Variants in ATP1A3 observed in about 807,000 individuals in gnomAD.
ATP1A3 encodes sodium/potassium-transporting ATPase subunit alpha-3.
Under a neutral mutation model 108.8 loss-of-function variants are expected in ATP1A3, and 12 were observed. That is an observed-to-expected ratio of 0.11 (90% CI 0.07 to 0.18). The LOEUF is 0.18. Ranked by LOEUF, ATP1A3 falls within the 10% of genes least tolerant of loss-of-function variation. The probability of loss-of-function intolerance (pLI) is 1.00; values close to 1 mark genes in which losing one functional copy is unlikely to be tolerated. For synonymous variants in ATP1A3, 539 were observed against 564.5 expected (o/e 0.95, Z 0.64); for missense variants, 498 against 1,387.7 (o/e 0.36, Z 10.19).
intron 4 of ATP1A3, 56 bp downstream of exon 4, chr19:41,987,880 C>T (rs1439390117): frequency 6.9e-6 from 11 of 1,588,944 alleles, no homozygotes; most frequent in East Asian, 2.2e-5. Flanking sequence ...AGTTGGGGTG[C>T]GGTGTCCGTA....
chr19:41,967,377 C>T lies in ATP1A3; in HGVS notation c.2922-37G>A. The T allele has an allele frequency of 6.3e-7, 1 of 1,592,200 alleles. No homozygotes were observed. Among genetic ancestry groups the T allele is most frequent in the East Asian group, 2.2e-5 (1 of 44,734 alleles). On this transcript the variant is annotated intron_variant, in intron 21 of 22. Transcript: ENST00000648268. The surrounding 1 kb of genome is among the most constrained non-coding windows in gnomAD (Gnocchi z 4.2). ...AGAGCAGGAGGGCTTGAGTGCGGGG[C>T]CCTAACGAGAGGCAGAGTTTCAGGG...
chr19:41,987,351 A>T (rs1410856793), intron 4 of ATP1A3, among the ~76,000 whole-genome samples: 3 of 151,230 alleles, frequency 2.0e-5, no homozygotes, highest in Non-Finnish European at 4.4e-5. Flanking sequence ...TGTGTGTGTG[A>T]GTTTCTCTGT....
chr19:41,992,153 G>A (rs1042722087), intron 1 of ATP1A3, among the ~76,000 whole-genome samples: 3 of 151,872 alleles, frequency 2.0e-5, no homozygotes, highest in African/African-American at 7.3e-5. Context: ...GAGGGAGGAG[G>A]GGCTGGGGCC....
At chr19:41,983,766 ATTTTTTTTTTTTTTTT>A in intron 8 of ATP1A3, among the ~76,000 whole-genome samples, 1 of 101,250 alleles carries the variant, frequency 9.9e-6, no homozygotes, top group East Asian at 2.7e-4. Flanking sequence ...ATTTAAAAAA[ATTTTTTTTTTTTTTTT>A]TTTTTTTTTG....
chr19:41,991,139 C>A (rs1035987850), intron 1 of ATP1A3, among the ~76,000 whole-genome samples: 11 of 152,064 alleles, frequency 7.2e-5, no homozygotes, highest in Admixed American at 6.6e-4. Flanking sequence ...AGGGGTGGGG[C>A]GAGGCTGGGT....
intron 16 of ATP1A3, 131 bp from the exon 17 acceptor site, chr19:41,970,673 C>T (rs1271043213): frequency 6.9e-6 from 8 of 1,157,660 alleles, no homozygotes; most frequent in Admixed American, 5.3e-5. Context: ...GCTGTGTTGC[C>T]CAGGCTGGAG....
At chr19:41,987,729 T>C (rs913941211) in intron 4 of ATP1A3, among the ~76,000 whole-genome samples, 2 of 152,224 alleles carry the variant, frequency 1.3e-5, no homozygotes, top group Admixed American at 6.5e-5. Flanking sequence ...CACATCCTGC[T>C]GTGGGGCCTT....
Position 41,981,892 on chromosome 19 carries a change from C to A in ATP1A3, c.1192+16G>T. ...GAGCCAGGCCCCCATGGTCCTCACC[C>A]GGGGCCTGCGCTCACCTGACTGGTC... On this transcript the variant is annotated intron_variant, in intron 9 of 22. Transcript: ENST00000648268. The surrounding 1 kb of genome is among the most constrained non-coding windows in gnomAD (Gnocchi z 5.0). 1.2e-6 allele frequency: 2 copies of A among 1,614,158 alleles called. No homozygotes were observed. The highest frequency in any genetic ancestry group is 1.7e-6 in the Non-Finnish European group (2 of 1,180,030).
chr19:41,988,437 G>C lies in ATP1A3; in HGVS notation c.93+39C>G, dbSNP rs782113367. On this transcript the variant is annotated intron_variant, in intron 2 of 22. Transcript: ENST00000648268. The surrounding 1 kb of genome is among the most constrained non-coding windows in gnomAD (Gnocchi z 5.3). The stretch of plus-strand genomic sequence containing the variant: ...CCTAGGCCAGCCAAGAACTGGCGAG[G>C]TTCTCTGGGAGGGTGTGCGGGCAGA... 6.2e-7 allele frequency: 1 copy of C among 1,614,086 alleles called. No individual in the cohort carries two copies. The highest frequency in any genetic ancestry group is 1.3e-5 in the African/African-American group (1 of 74,924).
chr19:41,978,346 G>A lies in ATP1A3; in HGVS notation c.1631-20C>T, dbSNP rs782508203. 3 of 1,581,386 alleles carry A rather than the reference G, an allele frequency of 1.9e-6. No individual in the cohort carries two copies. In the Admixed American group the frequency reaches 5.7e-5, roughly 30 times the overall value. On this transcript the variant is annotated intron_variant, in intron 12 of 22. Transcript: ENST00000648268. This position sits in a 1 kb window ranked among gnomAD's most constrained non-coding sequence, Gnocchi z 8.3. ...AGAAACCTAGTGGCAGGGAAGGGTT[G>A]GGGTGTGAGGGTCCCAGCCTCGGAA...
At chr19:41,992,007 G>A (rs111212167) in intron 1 of ATP1A3, among the ~76,000 whole-genome samples, 1 of 145,574 alleles carries the variant, frequency 6.9e-6, no homozygotes, top group Non-Finnish European at 1.5e-5. Flanking sequence ...ATCTGAGGGA[G>A]GAGGGGCTGG....
intron 5 of ATP1A3, 48 bp from the exon 6 acceptor site, chr19:41,986,046 G>C (rs782094126): frequency 1.1e-5 from 17 of 1,614,100 alleles, no homozygotes; most frequent in Non-Finnish European, 1.4e-5. Flanking sequence ...CTCTGCCTGG[G>C]GGTCACTGGG....
rs781962077 is a variant in ATP1A3, at chr19:41,970,353, C to T, written c.2418+35G>A. 53 of 1,613,610 alleles carry T rather than the reference C, an allele frequency of 3.3e-5. No homozygotes were observed. The East Asian group carries it at 8.7e-4, about 26-fold the overall frequency. ...TGAGCCGGAGAGGGGAGGACTCCAC[C>T]CTCCTGGGCCCCAAGGGTGGCTGCC... On this transcript the variant is annotated intron_variant, in intron 17 of 22. Coordinates refer to ENST00000648268, the MANE Select transcript of ATP1A3 (RefSeq NM_152296.5).
At chr19:41,984,737 A>G (rs2075269877) in intron 8 of ATP1A3, 181 bp downstream of exon 8, 1 of 688,906 alleles carries the variant, frequency 1.5e-6, no homozygotes, top group Admixed American at 3.0e-5. Flanking sequence ...CCAGGCCCCC[A>G]GCCCCTTCTC....
At chr19:41,977,890 C>CA in intron 14 of ATP1A3, 46 bp downstream of exon 14, 4 of 1,604,154 alleles carry the variant, frequency 2.5e-6, no homozygotes, top group Non-Finnish European at 3.4e-6. Flanking sequence ...CCTGTGTCAA[C>CA]ACCCTAGAGG....
intron 1 of ATP1A3, chr19:41,990,847 CCTCTCTATCTCTGTCTATGT>C (rs1555867063): frequency 6.6e-6 from 1 of 151,904 alleles, no homozygotes; most frequent in Non-Finnish European, 1.5e-5. Context: ...CTGGAATCTG[CCTCTCTATCTCTGTCTATGT>C]CTCTCTGTCT....
At chr19:41,974,048 T>C (rs1223882322) in intron 16 of ATP1A3, among the ~76,000 whole-genome samples, 6 of 152,162 alleles carry the variant, frequency 3.9e-5, no homozygotes, top group Non-Finnish European at 7.4e-5. Flanking sequence ...CTGGCTAACA[T>C]GGTGAAACCC....
At position 41,988,717 on chromosome 19, in the gene ATP1A3, C is replaced by CT; in HGVS notation, c.7-156dup. ...TCTCTGTCTGCCTCTCGGGGTCTCCCTGTGTCTCCCGGAGCCTCTGGGTGA... is the reference window on the plus strand; with the variant it reads ...TCTCTGTCTGCCTCTCGGGGTCTCCCTTGTGTCTCCCGGAGCCTCTGGGTGA... On this transcript the variant is annotated intron_variant, in intron 1 of 22. Transcript: ENST00000648268. This position sits in a 1 kb window ranked among gnomAD's most constrained non-coding sequence, Gnocchi z 5.3. 1.3e-6 allele frequency: 2 copies of CT among 1,483,674 alleles called. No individual in the cohort carries two copies. The highest frequency in any genetic ancestry group is 1.8e-6 in the Non-Finnish European group (2 of 1,112,200). The allele number at this position is 1,483,674 out of a possible 1,614,324, so 91.9% of individuals were successfully genotyped here. A position where few individuals can be genotyped will look rare whatever the true frequency, so the allele number is the denominator to read the frequency against.
At position 41,989,181 on chromosome 19, in the gene ATP1A3, C is replaced by T. The variant is rs540213717; in HGVS notation, c.7-619G>A. On this transcript the variant is annotated intron_variant, in intron 1 of 22. Coordinates refer to ENST00000648268, the MANE Select transcript of ATP1A3 (RefSeq NM_152296.5). ...TCTCTAACTCCTGGACTCAAGCGATCCTCCTGCTTTAGCCTCCCAAACTGT... is the reference window on the plus strand; with the variant it reads ...TCTCTAACTCCTGGACTCAAGCGATTCTCCTGCTTTAGCCTCCCAAACTGT... Among the ~76,000 whole-genome samples the T allele has an allele frequency of 2.6e-3, 403 of 152,190 alleles. 2 individuals carry two copies. The highest frequency in any genetic ancestry group is 4.8e-3 in the Non-Finnish European group (325 of 68,010).
Sources: allele counts gnomAD v4.1 joint callset (sites outside exome capture counted in the v4.1 genomes callset), GRCh38; gene constraint gnomAD v4.1.1; non-coding constraint Gnocchi (gnomAD v3.1); transcripts MANE v1.5; gene names NCBI Gene and HGNC (gene_info 2026-07-23, HGNC 2026-07-21).